PIP4K2A: variants seen among roughly 807,000 people sequenced by gnomAD.
PIP4K2A encodes phosphatidylinositol-5-phosphate 4-kinase type 2 alpha, also known as phosphatidylinositol 5-phosphate 4-kinase type-2 alpha.
In PIP4K2A, 14 loss-of-function variants were observed where a neutral mutation model predicts 42.9. The ratio of observed to expected loss-of-function variants is 0.33; its 90% CI spans 0.22 to 0.51. The LOEUF (loss-of-function observed/expected upper bound fraction) is 0.51, where lower values mean the gene tolerates loss of function less well. Ranked by LOEUF, PIP4K2A falls within the 20% of genes least tolerant of loss-of-function variation. PIP4K2A has a pLI of 0.97. For missense variants in PIP4K2A, 434 were observed against 519.8 expected (o/e 0.83, Z 1.61); for synonymous variants, 192 against 192.2 (o/e 1.00, Z 0.01).
intron 1 of PIP4K2A, among the ~76,000 whole-genome samples, chr10:22,629,004 G>A (rs750033118): frequency 1.3e-5 from 2 of 152,106 alleles, no homozygotes; most frequent in Non-Finnish European, 2.9e-5. Flanking sequence ...TACAGGAGGG[G>A]TCCGTTCAGA....
At chr10:22,699,810 T>C (rs991131344) in intron 1 of PIP4K2A, among the ~76,000 whole-genome samples, 2 of 152,174 alleles carry the variant, frequency 1.3e-5, no homozygotes, top group Non-Finnish European at 2.9e-5. Context: ...AAGTTCTACA[T>C]AGACACTAAA....
chr10:22,698,312 A>G (rs80121260), intron 1 of PIP4K2A, among the ~76,000 whole-genome samples: 2,530 of 152,330 alleles, frequency 0.017, 72 homozygotes, highest in African/African-American at 0.056. Context: ...TAGAACCCTG[A>G]AAGCAGAAGA....
Position 22,702,793 on chromosome 10 carries a change from C to T in PIP4K2A, c.144+11390G>A, listed in dbSNP as rs147928452. The stretch of plus-strand genomic sequence containing the variant: ...ATACCACCTGAGAACTAATGGCCTA[C>T]GGTTTAGAATCCCAGCCCCACTCAT... On this transcript the variant is annotated intron_variant, in intron 1 of 9. Coordinates refer to ENST00000376573, the MANE Select transcript of PIP4K2A (RefSeq NM_005028.5). Among the ~76,000 whole-genome samples, 174 of 152,250 alleles carry T rather than the reference C, an allele frequency of 1.1e-3. 1 individual carries two copies. Among genetic ancestry groups the T allele is most frequent in the African/African-American group, 3.8e-3 (158 of 41,556 alleles).
intron 3 of PIP4K2A, among the ~76,000 whole-genome samples, chr10:22,593,841 C>T (rs1007242016): frequency 3.9e-5 from 6 of 152,146 alleles, no homozygotes; most frequent in African/African-American, 1.4e-4. Flanking sequence ...ACTGACAATA[C>T]GTGTAAAACA....
chr10:22,699,360 TAA>T (rs1317983610), intron 1 of PIP4K2A, among the ~76,000 whole-genome samples: 1 of 152,080 alleles, frequency 6.6e-6, no homozygotes, highest in African/African-American at 2.4e-5. Flanking sequence ...GGACTTGGTC[TAA>T]GAGAGACAGG....
chr10:22,612,491 T>G (rs574325458), intron 1 of PIP4K2A, among the ~76,000 whole-genome samples: 1 of 151,774 alleles, frequency 6.6e-6, no homozygotes, highest in African/African-American at 2.4e-5. Context: ...AGTGCAGAAA[T>G]AGACAAGGTG....
intron 1 of PIP4K2A, among the ~76,000 whole-genome samples, chr10:22,710,039 G>C (rs1833886359): frequency 6.9e-6 from 1 of 145,784 alleles, no homozygotes; most frequent in Non-Finnish European, 1.5e-5. Context: ...TCTTCTTTCA[G>C]TGCCCAAATA....
intron 1 of PIP4K2A, among the ~76,000 whole-genome samples, chr10:22,627,588 TAATAAAAAAAAA>T (rs1378756720): frequency 0.02 from 791 of 38,824 alleles, 43 homozygotes; most frequent in African/African-American, 0.044. Context: ...AGCTAATATG[TAATAAAAAAAAA>T]AAAAAAAAAA....
At chr10:22,689,837 C>T (rs140384577) in intron 1 of PIP4K2A, among the ~76,000 whole-genome samples, 1 of 152,304 alleles carries the variant, frequency 6.6e-6, no homozygotes, top group African/African-American at 2.4e-5. Context: ...GCCACAACAC[C>T]TTGCGATGTC....
chr10:22,547,608 T>TG (rs1223439590), intron 7 of PIP4K2A, among the ~76,000 whole-genome samples: 1 of 152,108 alleles, frequency 6.6e-6, no homozygotes, highest in Non-Finnish European at 1.5e-5. Flanking sequence ...TCTCCATGGA[T>TG]GGGGGGCTAT....
chr10:22,536,479 A>G lies in PIP4K2A; in HGVS notation c.*722T>C, dbSNP rs1409491649. 2 of 186,584 alleles carry G rather than the reference A, an allele frequency of 1.1e-5. No individual in the cohort carries two copies. The highest frequency in any genetic ancestry group is 2.5e-4 in the East Asian group (2 of 7,996). The allele number at this position is 186,584 out of a possible 1,614,324, so 11.6% of individuals were successfully genotyped here. On this transcript the variant is annotated 3_prime_UTR_variant, in exon 10 of 10. Coordinates refer to ENST00000376573, the MANE Select transcript of PIP4K2A (RefSeq NM_005028.5). Reference sequence around the variant, plus strand: ...TGCGGGAGGGGTGGGGGCTCTGGACACCAGGGGGTCCTGACAAGGCTGGGG... The same window carrying G: ...TGCGGGAGGGGTGGGGGCTCTGGACGCCAGGGGGTCCTGACAAGGCTGGGG...
chr10:22,559,336 C>T (rs1050815702), intron 6 of PIP4K2A, among the ~76,000 whole-genome samples: 4 of 152,172 alleles, frequency 2.6e-5, no homozygotes, highest in Admixed American at 2.0e-4. Context: ...CATTCCCATA[C>T]CTAACAGCAG....
intron 1 of PIP4K2A, among the ~76,000 whole-genome samples, chr10:22,648,066 C>T (rs986561399): frequency 6.6e-6 from 1 of 152,302 alleles, no homozygotes; most frequent in Non-Finnish European, 1.5e-5. Flanking sequence ...TATTTCCTTC[C>T]TCCTCAAAGC....
chr10:22,596,119 C>T (rs544846415), intron 3 of PIP4K2A, among the ~76,000 whole-genome samples: 7 of 142,584 alleles, frequency 4.9e-5, no homozygotes, highest in African/African-American at 7.8e-5. Flanking sequence ...GCAGGAGAAT[C>T]GCTTGAACCT....
chr10:22,689,512 T>A (rs191447174), intron 1 of PIP4K2A, among the ~76,000 whole-genome samples: 35 of 152,274 alleles, frequency 2.3e-4, no homozygotes, highest in African/African-American at 8.2e-4. Context: ...GCACTTACAT[T>A]GTATTAAGTA....
At chr10:22,665,845 CATACATATAT>C (rs933519709) in intron 1 of PIP4K2A, among the ~76,000 whole-genome samples, 24 of 151,804 alleles carry the variant, frequency 1.6e-4, no homozygotes, top group African/African-American at 4.1e-4. Context: ...CACACAGACA[CATACATATAT>C]ATACATATAT....
chr10:22,613,020 AGAG>A (rs1291524217), intron 1 of PIP4K2A, among the ~76,000 whole-genome samples: 1 of 152,168 alleles, frequency 6.6e-6, no homozygotes, highest in Admixed American at 6.5e-5. Flanking sequence ...AGCCTGGAGA[AGAG>A]GATGAGAAAG....
intron 5 of PIP4K2A, among the ~76,000 whole-genome samples, chr10:22,571,026 G>A (rs1394023207): frequency 1.3e-5 from 2 of 152,134 alleles, no homozygotes; most frequent in African/African-American, 4.8e-5. Flanking sequence ...AACATTAAAT[G>A]TATCAAATCT....
intron 4 of PIP4K2A, among the ~76,000 whole-genome samples, chr10:22,574,886 AG>A (rs1240273122): frequency 6.6e-6 from 1 of 152,188 alleles, no homozygotes; most frequent in Admixed American, 6.5e-5. Context: ...AGAAATGAAA[AG>A]GGGTTCTTGG....
Sources: allele counts gnomAD v4.1 joint callset (sites outside exome capture counted in the v4.1 genomes callset), GRCh38; gene constraint gnomAD v4.1.1; transcripts MANE v1.5; gene names NCBI Gene and HGNC (gene_info 2026-07-23, HGNC 2026-07-21).